FNDC3A: variants seen among roughly 807,000 people sequenced by gnomAD.
FNDC3A encodes fibronectin type-III domain-containing protein 3A.
FNDC3A carries 32 observed loss-of-function variants against 148.9 expected under a neutral mutation model. That is an observed-to-expected ratio of 0.21 (90% CI 0.16 to 0.29). The LOEUF (loss-of-function observed/expected upper bound fraction) is 0.29. FNDC3A is among the 10% of genes least tolerant of loss of function. The probability of loss-of-function intolerance (pLI) is 1.00; values close to 1 mark genes in which losing one functional copy is unlikely to be tolerated. For synonymous variants in FNDC3A, 472 were observed against 473.6 expected, an observed-to-expected ratio of 1.00 and a Z score of 0.04; for missense variants, 1,191 against 1,452.8, an observed-to-expected ratio of 0.82 and a Z score of 2.93.
chr13:49,069,565 A>G (rs1397223971), intron 2 of FNDC3A, among the ~76,000 whole-genome samples: 1 of 152,008 alleles, frequency 6.6e-6, no homozygotes, highest in Non-Finnish European at 1.5e-5. Context: ...GCCAATTCCT[A>G]CTGAGTCTTC....
chr13:49,149,808 T>C (rs1024516349), intron 8 of FNDC3A, among the ~76,000 whole-genome samples: 3 of 152,198 alleles, frequency 2.0e-5, no homozygotes, highest in Non-Finnish European at 4.4e-5. Flanking sequence ...AGTGAAGCCA[T>C]TGGTCCTGGA....
chr13:49,168,032 C>T (rs2138045157), intron 9 of FNDC3A, among the ~76,000 whole-genome samples: 1 of 152,280 alleles, frequency 6.6e-6, no homozygotes, highest in East Asian at 1.9e-4. Context: ...ATGTTTTACT[C>T]TATGCAGGTC....
chr13:49,159,771 ATTATTT>A (rs1161289546), intron 8 of FNDC3A, among the ~76,000 whole-genome samples: 2 of 152,088 alleles, frequency 1.3e-5, no homozygotes, highest in Admixed American at 6.6e-5. Flanking sequence ...AATAGCTCTT[ATTATTT>A]TGAGAGACGT....
intron 2 of FNDC3A, among the ~76,000 whole-genome samples, chr13:49,069,471 G>A (rs1371882520): frequency 6.6e-6 from 1 of 151,934 alleles, no homozygotes; most frequent in Non-Finnish European, 1.5e-5. Context: ...CTTTTGGTTC[G>A]TTGAACACAG....
intron 8 of FNDC3A, among the ~76,000 whole-genome samples, chr13:49,150,939 G>A (rs1360967834): frequency 4.4e-5 from 4 of 90,722 alleles, no homozygotes; most frequent in Middle Eastern, 5.5e-3. Context: ...GCAAGACTCC[G>A]TCTCAAAAAA....
chr13:49,062,248 G>A (rs1364320229), intron 2 of FNDC3A, among the ~76,000 whole-genome samples: 1 of 152,152 alleles, frequency 6.6e-6, no homozygotes, highest in African/African-American at 2.4e-5. Context: ...GTTAATTGGT[G>A]AATGTAGGTG....
intron 3 of FNDC3A, among the ~76,000 whole-genome samples, chr13:49,085,169 C>CT (rs112536780): frequency 0.011 from 1,658 of 152,280 alleles, 35 homozygotes; most frequent in African/African-American, 0.037. Flanking sequence ...AATTAGTCAG[C>CT]TTTTTCAAAT....
chr13:49,150,049 T>G (rs998953639), intron 8 of FNDC3A, among the ~76,000 whole-genome samples: 2 of 152,176 alleles, frequency 1.3e-5, no homozygotes, highest in African/African-American at 4.8e-5. Flanking sequence ...CTGATTTTAT[T>G]TGGGTCCCCT....
intron 19 of FNDC3A, among the ~76,000 whole-genome samples, chr13:49,195,284 A>T (rs906043986): frequency 3.9e-5 from 6 of 152,098 alleles, no homozygotes; most frequent in African/African-American, 1.2e-4. Context: ...AGTAGCCTTG[A>T]TTTTTTACTT....
intron 5 of FNDC3A, among the ~76,000 whole-genome samples, chr13:49,132,496 A>G (rs984638232): frequency 1.3e-5 from 2 of 152,154 alleles, no homozygotes; most frequent in Non-Finnish European, 1.5e-5. Context: ...TCTACTCACT[A>G]ACTGCCATTG....
At chr13:49,137,210 A>G (rs554782158) in intron 6 of FNDC3A, among the ~76,000 whole-genome samples, 1 of 152,244 alleles carries the variant, frequency 6.6e-6, no homozygotes, top group South Asian at 2.1e-4. Context: ...ATCTCTCTAT[A>G]TACTCTGTAA....
intron 1 of FNDC3A, among the ~76,000 whole-genome samples, chr13:48,984,717 G>T (rs1206578934): frequency 6.6e-6 from 1 of 151,842 alleles, no homozygotes; most frequent in Non-Finnish European, 1.5e-5. Flanking sequence ...ATGGAGTCTC[G>T]CTCTGTCACC....
At chr13:49,167,855 T>C (rs1884558590) in intron 9 of FNDC3A, among the ~76,000 whole-genome samples, 1 of 152,200 alleles carries the variant, frequency 6.6e-6, no homozygotes, top group Non-Finnish European at 1.5e-5. Flanking sequence ...CTGTAGAATA[T>C]GTCTGTAGCA....
intron 3 of FNDC3A, among the ~76,000 whole-genome samples, 200 bp downstream of exon 3, chr13:49,075,564 A>T (rs1878039182): frequency 6.6e-6 from 1 of 152,026 alleles, no homozygotes; most frequent in Non-Finnish European, 1.5e-5. Flanking sequence ...GATTATGTTG[A>T]TTATTCTTGA....
At chr13:49,026,415 G>A (rs1357626596) in intron 2 of FNDC3A, among the ~76,000 whole-genome samples, 1 of 152,192 alleles carries the variant, frequency 6.6e-6, no homozygotes, top group African/African-American at 2.4e-5. Flanking sequence ...CTACTTTTCT[G>A]TATGTTTAAA....
intron 2 of FNDC3A, among the ~76,000 whole-genome samples, chr13:49,025,620 C>T (rs530625697): frequency 1.3e-5 from 2 of 152,106 alleles, no homozygotes; most frequent in East Asian, 3.9e-4. Flanking sequence ...AAGAATTTAA[C>T]ATTAGTCATA....
At chr13:49,069,787 A>G (rs1165252132) in intron 2 of FNDC3A, among the ~76,000 whole-genome samples, 1 of 152,242 alleles carries the variant, frequency 6.6e-6, no homozygotes, top group Non-Finnish European at 1.5e-5. Flanking sequence ...GTACACCATC[A>G]GAAATCCAAA....
chr13:49,129,754 G>C (rs531813173), intron 4 of FNDC3A, among the ~76,000 whole-genome samples: 1 of 152,228 alleles, frequency 6.6e-6, no homozygotes, highest in African/African-American at 2.4e-5. Context: ...TAATTCATTT[G>C]GTCATCTAGT....
intron 7 of FNDC3A, among the ~76,000 whole-genome samples, chr13:49,145,427 CTT>C (rs1251252517): frequency 6.6e-6 from 1 of 152,138 alleles, no homozygotes. Context: ...TCATTTTTCT[CTT>C]GAGTTTTTGT....
Sources: allele counts gnomAD v4.1 joint callset (sites outside exome capture counted in the v4.1 genomes callset), GRCh38; gene constraint gnomAD v4.1.1; transcripts MANE v1.5; gene names NCBI Gene and HGNC (gene_info 2026-07-23, HGNC 2026-07-21).